Variants in CDHR2 observed in about 807,000 individuals in gnomAD.
The protein encoded by CDHR2 is cadherin related family member 2.
In CDHR2, 104 loss-of-function variants were observed where a neutral mutation model predicts 138.6. The ratio of observed to expected loss-of-function variants is 0.75; its 90% CI spans 0.64 to 0.88. CDHR2 has a LOEUF of 0.88. Ranked by LOEUF, CDHR2 falls within the 40% of genes least tolerant of loss-of-function variation. CDHR2 has a pLI of 0.00. For synonymous variants in CDHR2, 755 were observed against 742.8 expected, an observed-to-expected ratio of 1.02 and a Z score of -0.27; for missense variants, 1,624 against 1,727.6, an observed-to-expected ratio of 0.94 and a Z score of 1.06.
At chr5:176,559,566 G>C (rs1457423745) in intron 1 of CDHR2, among the ~76,000 whole-genome samples, 4 of 151,232 alleles carry the variant, frequency 2.6e-5, no homozygotes, top group African/African-American at 9.8e-5. Flanking sequence ...TCCTTTCCCT[G>C]TTTTCCTTCT....
At position 176,590,259 on chromosome 5, in the gene CDHR2, A is replaced by C; in HGVS notation, c.3282A>C (p.Arg1094=). 6.2e-7 allele frequency: 1 copy of C among 1,613,872 alleles called. No individual in the cohort carries two copies. The highest frequency in any genetic ancestry group is 8.5e-7 in the Non-Finnish European group (1 of 1,179,952). ...CAACTCTGTCCCGCTCCAGGGCCCGACCTCACTCCTACCTCGATGCCTACT... is the reference window on the plus strand; with the variant it reads ...CAACTCTGTCCCGCTCCAGGGCCCGCCCTCACTCCTACCTCGATGCCTACT... ...IQDIDSAARA[R]PHSYLDAYFV... The change falls in exon 26 of 32, where the codon CGA becomes CGC. Residue 1094 remains arginine, a synonymous_variant. Coordinates refer to ENST00000261944, the MANE Select transcript of CDHR2 (RefSeq NM_017675.6).
upstream of CDHR2, among the ~76,000 whole-genome samples, chr5:176,544,451 C>CTCTTTCTCTCTTT (rs371507296): frequency 1.4e-5 from 2 of 146,160 alleles, no homozygotes; most frequent in African/African-American, 2.5e-5. Context: ...TTCTCTCTTT[C>CTCTTTCTCTCTTT]CTTTTTTTGA....
chr5:176,594,616 C>T (rs369969396), intron 31 of CDHR2, among the ~76,000 whole-genome samples: 8 of 152,234 alleles, frequency 5.3e-5, no homozygotes, highest in African/African-American at 1.9e-4. Context: ...GCCTGCAGCT[C>T]TCCACTTGGG....
Position 176,595,729 on chromosome 5 carries a change from C to T in CDHR2, c.*57C>T, listed in dbSNP as rs1372285482. The T allele has an allele frequency of 1.4e-6, 2 of 1,413,740 alleles. No homozygotes were observed. The highest frequency in any genetic ancestry group is 1.5e-5 in the African/African-American group (1 of 68,316). 87.6% of individuals were successfully genotyped at this position (1,413,740 alleles called of 1,614,324 possible). A position where few individuals can be genotyped will look rare whatever the true frequency, so the allele number is the denominator to read the frequency against. On this transcript the variant is annotated 3_prime_UTR_variant, in exon 32 of 32. Coordinates refer to ENST00000261944, the MANE Select transcript of CDHR2 (RefSeq NM_017675.6). ...GAGGCCCTACCACACCCTAACTGCACCTGTCTCCCTGGAGATGAAAATATA... is the reference window on the plus strand; with the variant it reads ...GAGGCCCTACCACACCCTAACTGCATCTGTCTCCCTGGAGATGAAAATATA...
At chr5:176,572,222 GA>G (rs34496800) in intron 6 of CDHR2, among the ~76,000 whole-genome samples, 5,717 of 132,618 alleles carry the variant, frequency 0.043, 281 homozygotes, top group African/African-American at 0.12. Context: ...CGTCTCTACT[GA>G]AAAAAAAAAA....
upstream of CDHR2, among the ~76,000 whole-genome samples, chr5:176,544,437 T>TTCTCTCTTTC (rs1327698657): frequency 3.4e-4 from 1 of 2,908 alleles, no homozygotes. Flanking sequence ...TTTTCTTTCT[T>TTCTCTCTTTC]TCTTTCTCTC....
At chr5:176,571,177 T>C (rs770968262) in intron 5 of CDHR2, 36 bp from the exon 6 acceptor site, 5 of 1,462,290 alleles carry the variant, frequency 3.4e-6, no homozygotes, top group Non-Finnish European at 4.8e-6. Context: ...TTTTAAATCC[T>C]ATTTTCTGGG....
intron 16 of CDHR2, among the ~76,000 whole-genome samples, chr5:176,579,532 G>A (rs1024673975): frequency 9.9e-5 from 15 of 152,106 alleles, no homozygotes; most frequent in Non-Finnish European, 1.5e-4. Context: ...ATTTCTGGTC[G>A]GCTGCTGTAA....
intron 1 of CDHR2, among the ~76,000 whole-genome samples, chr5:176,557,996 G>A (rs147771448): frequency 1.3e-5 from 2 of 152,114 alleles, no homozygotes; most frequent in Admixed American, 6.5e-5. Context: ...GTGAGCCACC[G>A]AGCCTGGCCT....
rs1044425037 is a variant in CDHR2 at position 176,543,662 on chromosome 5, A to C, written c.-16+893A>C. ...ACAATACGACCCCATGGTCGTTCAG[A>C]GAATCTTCGCTTCCCGGAGAGTGTG... is the stretch of plus-strand genomic sequence containing the variant. On this transcript the variant is annotated intron_variant, in intron 1 of 31. Coordinates refer to the CDHR2 transcript ENST00000510636. The surrounding 1 kb of genome is among the most constrained non-coding windows in gnomAD (Gnocchi z 4.0). 6.6e-6 allele frequency: 1 copy of C among 152,120 alleles called. No individual in the cohort carries two copies. Among genetic ancestry groups the C allele is most frequent in the Non-Finnish European group, 1.5e-5 (1 of 68,042 alleles). The allele number at this position is 152,120 out of a possible 1,614,324, so 9.4% of individuals were successfully genotyped here.
intron 31 of CDHR2, 119 bp downstream of exon 31, chr5:176,592,899 GC>G: frequency 1.2e-6 from 1 of 843,510 alleles, no homozygotes; most frequent in Non-Finnish European, 2.0e-6. Flanking sequence ...TCTGCACCAG[GC>G]CCCAGGAAGC....
intron 1 of CDHR2, among the ~76,000 whole-genome samples, chr5:176,555,675 G>T (rs1424398238): frequency 6.6e-6 from 1 of 152,158 alleles, no homozygotes; most frequent in East Asian, 1.9e-4. Context: ...GGGAGGCCGA[G>T]GTGGGTGGAT....
Position 176,558,434 on chromosome 5 carries a change from A to G in CDHR2, c.-15-6904A>G, listed in dbSNP as rs1276372409. Among the ~76,000 whole-genome samples, 3 of 140,796 alleles carry G rather than the reference A, an allele frequency of 2.1e-5. No individual in the cohort carries two copies. In the Admixed American group the frequency reaches 2.3e-4, roughly 11 times the overall value. The allele number at this position is 140,796 out of a possible 152,430, so 92.4% of individuals were successfully genotyped here. ...GTTTCCCTCTTGTCGCCCAGGCTGG[A>G]GTGCGATGGTGCGATTTCGGCCCAC... On this transcript the variant is annotated intron_variant, in intron 1 of 31. Transcript: ENST00000261944.
At chr5:176,542,946 C>A (rs916062682) in intron 1 of CDHR2, among the ~76,000 whole-genome samples, 1 of 151,934 alleles carries the variant, frequency 6.6e-6, no homozygotes, top group African/African-American at 2.4e-5. Flanking sequence ...GTGCCGGACG[C>A]CTGGGTCCCA....
At position 176,570,385 on chromosome 5, in the gene CDHR2, G is replaced by T. The variant is rs538751635; in HGVS notation, c.316-828G>T. 2.3e-3 allele frequency among the ~76,000 whole-genome samples: 353 copies of T among 152,196 alleles called. 5 individuals are homozygous for T. The highest frequency in any genetic ancestry group is 4.0e-4 in the Non-Finnish European group (27 of 67,996). On this transcript the variant is annotated intron_variant, in intron 5 of 31. Coordinates refer to ENST00000261944, the MANE Select transcript of CDHR2 (RefSeq NM_017675.6). ...CTTTTTGAGTTAGGATCTTACTCTT[G>T]CCCAGGCTGGAGTGCAGTGGTGCAA...
chr5:176,567,969 A>G (rs139424521), intron 3 of CDHR2, among the ~76,000 whole-genome samples: 1 of 152,356 alleles, frequency 6.6e-6, no homozygotes, highest in Non-Finnish European at 1.5e-5. Flanking sequence ...GTGGGCCACG[A>G]AAGTATCAGG....
At chr5:176,574,579 A>C (rs1317141825) in intron 7 of CDHR2, among the ~76,000 whole-genome samples, 2 of 152,204 alleles carry the variant, frequency 1.3e-5, no homozygotes, top group African/African-American at 2.4e-5. Flanking sequence ...TGAGGACACC[A>C]AAATCCATGG....
intron 30 of CDHR2, among the ~76,000 whole-genome samples, chr5:176,592,428 ATGG>A (rs151315426): frequency 0.38 from 46,655 of 121,376 alleles, 9,121 homozygotes; most frequent in Admixed American, 0.47. Context: ...GGTGATGGTG[ATGG>A]TGGTGATGAT....
chr5:176,564,394 G>C (rs1368967251), intron 1 of CDHR2, among the ~76,000 whole-genome samples: 3 of 152,166 alleles, frequency 2.0e-5, no homozygotes, highest in African/African-American at 7.2e-5. Context: ...CACCATGTTG[G>C]TCGGGCTGGT....
Sources: gnomAD v4.1 joint callset for allele counts (sites outside exome capture counted in the v4.1 genomes callset) on GRCh38, gnomAD v4.1.1 for gene constraint, Gnocchi (gnomAD v3.1) non-coding constraint, MANE v1.5 for transcripts, NCBI Gene and HGNC (gene_info 2026-07-23, HGNC 2026-07-21) for gene names.